Variants in ZNF365 observed in about 807,000 individuals in gnomAD.
The protein encoded by ZNF365 is protein ZNF365.
In ZNF365, 22 loss-of-function variants were observed where a neutral mutation model predicts 35.0. The ratio of observed to expected loss-of-function variants is 0.63; its 90% confidence interval spans 0.45 to 0.90. The LOEUF is 0.90. Among genes scored for constraint, ZNF365 ranks in the 40% least tolerant of loss-of-function variants. ZNF365 has a pLI of 0.00. For missense variants in ZNF365, 448 were observed against 500.3 expected, an observed-to-expected ratio of 0.90 and a Z score of 1.00; for synonymous variants, 188 against 196.2, an observed-to-expected ratio of 0.96 and a Z score of 0.35.
At chr10:62,444,378 G>T (rs1056947881) in intron 3 of ZNF365, among the ~76,000 whole-genome samples, 3 of 152,162 alleles carry the variant, frequency 2.0e-5, no homozygotes, top group African/African-American at 7.2e-5. Flanking sequence ...TCTGTAGTAT[G>T]TCTCTAGAAG....
intron 3 of ZNF365, among the ~76,000 whole-genome samples, chr10:62,428,899 T>A (rs1840292735): frequency 6.6e-6 from 1 of 152,158 alleles, no homozygotes; most frequent in South Asian, 2.1e-4. Context: ...GTAGACTGAT[T>A]TATAGCATTT....
intron 2 of ZNF365, among the ~76,000 whole-genome samples, chr10:62,387,446 G>A (rs1839543901): frequency 6.6e-6 from 1 of 152,044 alleles, no homozygotes; most frequent in African/African-American, 2.4e-5. Context: ...TAAATAAAGA[G>A]CTTATTTATA....
At chr10:62,451,798 C>T (rs1279399567) in intron 3 of ZNF365, among the ~76,000 whole-genome samples, 1 of 152,218 alleles carries the variant, frequency 6.6e-6, no homozygotes, top group Admixed American at 6.5e-5. Flanking sequence ...CAGCAGCATC[C>T]AGCTGACGCC....
At position 62,401,258 on chromosome 10, in the gene ZNF365, G is replaced by A. The variant is rs1839823721; in HGVS notation, c.*1469G>A. On this transcript the variant is annotated 3_prime_UTR_variant, in exon 5 of 5. Transcript: ENST00000395254. ...TTTTAAACTATATATGTTTGTTCAT[G>A]TAAACTGAATTCTCTTATTTAAAAA... is the stretch of plus-strand genomic sequence containing the variant. The A allele has an allele frequency of 1.0e-6, 1 of 985,242 alleles. No individual in the cohort carries two copies. Among genetic ancestry groups the A allele is most frequent in the South Asian group, 4.7e-5 (1 of 21,292 alleles). The allele number at this position is 985,242 out of a possible 1,614,324, so 61.0% of individuals were successfully genotyped here.
chr10:62,406,156 C>T (rs978543171), downstream of ZNF365, among the ~76,000 whole-genome samples: 32 of 152,192 alleles, frequency 2.1e-4, no homozygotes, highest in African/African-American at 7.7e-4. Flanking sequence ...CAGCCAGCAC[C>T]AGACCTCTTG....
At chr10:62,453,914 T>C (rs553480788) in intron 3 of ZNF365, among the ~76,000 whole-genome samples, 1 of 152,350 alleles carries the variant, frequency 6.6e-6, no homozygotes, top group Admixed American at 6.5e-5. Flanking sequence ...TCACACCCCA[T>C]TTAAATGATG....
intron 3 of ZNF365, among the ~76,000 whole-genome samples, chr10:62,392,233 A>G (rs1839643104): frequency 6.6e-6 from 1 of 152,202 alleles, no homozygotes; most frequent in Non-Finnish European, 1.5e-5. Context: ...TTTGCTGTGC[A>G]GACTTAAGTT....
At position 62,451,749 on chromosome 10, in the gene ZNF365, T is replaced by G. The variant is rs1183315071; in HGVS notation, c.925-7992T>G. On this transcript the variant is annotated intron_variant, in intron 3 of 4. Coordinates refer to the ZNF365 transcript ENST00000395255. ...TGCCCATCATTGTTTCCAAAAGGGC[T>G]TCCCCTGTGTCTGGTGCAGACCTGT... is the stretch of plus-strand genomic sequence containing the variant. Among the ~76,000 whole-genome samples the G allele has an allele frequency of 3.9e-5, 6 of 152,260 alleles. No individual in the cohort carries two copies. The East Asian group carries it at 1.2e-3, about 29-fold the overall frequency.
At chr10:62,441,106 A>C (rs1388654475) in intron 3 of ZNF365, among the ~76,000 whole-genome samples, 1 of 152,222 alleles carries the variant, frequency 6.6e-6, no homozygotes, top group African/African-American at 2.4e-5. Context: ...TTGAATCCCC[A>C]TAAAAAGTCC....
chr10:62,378,023 C>G (rs561340984), intron 2 of ZNF365, among the ~76,000 whole-genome samples: 38 of 152,280 alleles, frequency 2.5e-4, no homozygotes, highest in African/African-American at 8.4e-4. Flanking sequence ...TACGTTCTAC[C>G]TTGAGGGGAA....
Position 62,376,177 on chromosome 10 carries a change from C to T in ZNF365, c.-13-4C>T. On this transcript the variant is annotated splice_polypyrimidine_tract_variant and splice_region_variant and intron_variant, in intron 1 of 4. Coordinates refer to ENST00000395254, the MANE Select transcript of ZNF365 (RefSeq NM_014951.3). ...TTGTAAACTACCTATTTCCCCCCTC[C>T]CAGGACTTTTAGAGTAATGCAACAG... 3 of 1,612,928 alleles carry T rather than the reference C, an allele frequency of 1.9e-6. No homozygotes were observed. The highest frequency in any genetic ancestry group is 1.3e-5 in the African/African-American group (1 of 74,980).
chr10:62,429,447 T>A (rs1447828319), intron 3 of ZNF365, among the ~76,000 whole-genome samples: 1 of 152,210 alleles, frequency 6.6e-6, no homozygotes, highest in African/African-American at 2.4e-5. Context: ...CTTTACACAA[T>A]GCTTAACTCT....
chr10:62,447,691 T>G (rs2132470132), intron 3 of ZNF365, among the ~76,000 whole-genome samples: 1 of 152,360 alleles, frequency 6.6e-6, no homozygotes, highest in East Asian at 1.9e-4. Flanking sequence ...AGTACTTGTC[T>G]GTGCTTTACC....
chr10:62,479,438 G>T (rs907423172), intron 4 of ZNF365, among the ~76,000 whole-genome samples: 1 of 152,156 alleles, frequency 6.6e-6, no homozygotes, highest in African/African-American at 2.4e-5. Context: ...GATAAAAAGT[G>T]GTGTGTACAA....
chr10:62,465,775 C>T (rs568452182), intron 4 of ZNF365, among the ~76,000 whole-genome samples: 1 of 152,266 alleles, frequency 6.6e-6, no homozygotes, highest in South Asian at 2.1e-4. Flanking sequence ...TTGGGACCCA[C>T]TGAATGATGG....
chr10:62,430,915 G>A (rs1313735630), intron 3 of ZNF365, among the ~76,000 whole-genome samples: 1 of 152,166 alleles, frequency 6.6e-6, no homozygotes, highest in African/African-American at 2.4e-5. Flanking sequence ...CCATCACACC[G>A]ATCTTCAAGG....
chr10:62,374,655 G>A (rs1226329926), intron 1 of ZNF365, among the ~76,000 whole-genome samples, 197 bp downstream of exon 1: 1 of 152,200 alleles, frequency 6.6e-6, no homozygotes, highest in African/African-American at 2.4e-5. Context: ...GCAGCGGAGA[G>A]GGGGCGGGGA....
chr10:62,470,148 G>A (rs1035841345), intron 4 of ZNF365, among the ~76,000 whole-genome samples: 1 of 152,178 alleles, frequency 6.6e-6, no homozygotes, highest in Non-Finnish European at 1.5e-5. Flanking sequence ...AAGGATTTGA[G>A]TAGCTTATTT....
At chr10:62,378,611 C>T (rs1432848483) in intron 2 of ZNF365, among the ~76,000 whole-genome samples, 1 of 152,192 alleles carries the variant, frequency 6.6e-6, no homozygotes, top group Non-Finnish European at 1.5e-5. Context: ...AAAGTAGCCT[C>T]TCCAATCCAA....
Sources: allele counts gnomAD v4.1 joint callset (sites outside exome capture counted in the v4.1 genomes callset), GRCh38; gene constraint gnomAD v4.1.1; transcripts MANE v1.5; gene names NCBI Gene and HGNC (gene_info 2026-07-23, HGNC 2026-07-21).